The following FRMD4B variants were observed in gnomAD, a reference collection of about 807,000 sequenced individuals.
FRMD4B encodes FERM domain containing 4B.
FRMD4B carries 74 observed loss-of-function variants against 141.5 expected under a neutral mutation model. That is an observed-to-expected ratio of 0.52 (90% CI 0.43 to 0.63). FRMD4B has a LOEUF of 0.63. Ranked by LOEUF, FRMD4B falls within the 30% of genes least tolerant of loss-of-function variation. FRMD4B has a pLI of 0.00. For synonymous variants in FRMD4B, 506 were observed against 467.9 expected, an observed-to-expected ratio of 1.08 and a Z score of -1.05; for missense variants, 1,366 against 1,253.4, an observed-to-expected ratio of 1.09 and a Z score of -1.36.
chr3:69,505,820 C>T (rs1706585904), intron 1 of FRMD4B, among the ~76,000 whole-genome samples: 1 of 152,168 alleles, frequency 6.6e-6, no homozygotes, highest in Non-Finnish European at 1.5e-5. Flanking sequence ...TGGGTGAAAT[C>T]TACTCACACA....
intron 11 of FRMD4B, among the ~76,000 whole-genome samples, chr3:69,203,485 C>T (rs1255907138): frequency 6.6e-6 from 1 of 152,028 alleles, no homozygotes; most frequent in East Asian, 1.9e-4. Context: ...TCTTGAGTGC[C>T]GTGTATGTTT....
chr3:69,314,933 G>A (rs1268134630), intron 1 of FRMD4B, among the ~76,000 whole-genome samples: 1 of 152,130 alleles, frequency 6.6e-6, no homozygotes, highest in Non-Finnish European at 1.5e-5. Flanking sequence ...AGAGGCTGAG[G>A]TGGGAGGATC....
chr3:69,454,082 A>T (rs1705544030), intron 1 of FRMD4B, among the ~76,000 whole-genome samples: 1 of 152,184 alleles, frequency 6.6e-6, no homozygotes, highest in South Asian at 2.1e-4. Flanking sequence ...AGTAGATTGG[A>T]TGAGGAGGCA....
chr3:69,244,479 T>C (rs2106734737), intron 7 of FRMD4B, among the ~76,000 whole-genome samples: 1 of 152,310 alleles, frequency 6.6e-6, no homozygotes, highest in East Asian at 1.9e-4. Context: ...TGTTTGTTTA[T>C]CATGTTTTTT....
At chr3:69,461,392 A>G (rs923079793) in intron 1 of FRMD4B, among the ~76,000 whole-genome samples, 29 of 145,860 alleles carry the variant, frequency 2.0e-4, no homozygotes, top group African/African-American at 7.2e-4. Context: ...GACCCCCCCC[A>G]TCTCTAAAAT....
chr3:69,247,183 C>T (rs929959443), intron 7 of FRMD4B, among the ~76,000 whole-genome samples: 10 of 152,004 alleles, frequency 6.6e-5, no homozygotes, highest in African/African-American at 1.7e-4. Flanking sequence ...CCCTGGGCAA[C>T]GTTTACATAC....
At chr3:69,434,452 T>C (rs1705230113) in intron 1 of FRMD4B, among the ~76,000 whole-genome samples, 1 of 152,190 alleles carries the variant, frequency 6.6e-6, no homozygotes, top group African/African-American at 2.4e-5. Context: ...AGTTCTCAGA[T>C]TCCATTCCTG....
chr3:69,171,658 G>A lies in FRMD4B; in HGVS notation c.*203C>T. The A allele has an allele frequency of 7.4e-6, 4 of 543,590 alleles. No individual in the cohort carries two copies. Among genetic ancestry groups the A allele is most frequent in the Non-Finnish European group, 1.3e-5 (4 of 304,404 alleles). 33.7% of individuals were successfully genotyped at this position (543,590 alleles called of 1,614,324 possible). A position where few individuals can be genotyped will look rare whatever the true frequency, so the allele number is the denominator to read the frequency against. On this transcript the variant is annotated 3_prime_UTR_variant, in exon 23 of 23. Coordinates refer to ENST00000398540, the MANE Select transcript of FRMD4B (RefSeq NM_015123.3). ...CCCTACAGTTACGTTAGTGCCTAGA[G>A]TTTGAAAGGCCAAATCCTCCTTTAG... is the stretch of plus-strand genomic sequence containing the variant.
intron 2 of FRMD4B, among the ~76,000 whole-genome samples, chr3:69,408,063 G>C (rs912756852): frequency 5.3e-5 from 8 of 152,140 alleles, no homozygotes; most frequent in African/African-American, 1.4e-4. Flanking sequence ...AAGCAGCCGA[G>C]ACAATGCATA....
At chr3:69,206,140 T>A (rs540743522) in intron 11 of FRMD4B, among the ~76,000 whole-genome samples, 2 of 152,192 alleles carry the variant, frequency 1.3e-5, no homozygotes, top group East Asian at 3.9e-4. Flanking sequence ...TTGTCTAAAG[T>A]CAGGAGTTCG....
intron 1 of FRMD4B, among the ~76,000 whole-genome samples, chr3:69,502,474 G>C (rs1429119158): frequency 1.3e-5 from 2 of 152,120 alleles, no homozygotes; most frequent in Admixed American, 1.3e-4. Flanking sequence ...AAACTGGCTA[G>C]CCATATGTAG....
chr3:69,458,018 T>C (rs921913025), intron 1 of FRMD4B, among the ~76,000 whole-genome samples: 3 of 152,216 alleles, frequency 2.0e-5, no homozygotes, highest in African/African-American at 7.2e-5. Context: ...TCTCCCTCTC[T>C]TGTTCACTCT....
chr3:69,353,627 C>T (rs564553479), intron 1 of FRMD4B: 965 of 983,694 alleles, frequency 9.8e-4, no homozygotes, highest in Admixed American at 1.9e-3. Flanking sequence ...AGCACTTGTG[C>T]GGTGTGTGTG....
intron 11 of FRMD4B, among the ~76,000 whole-genome samples, chr3:69,207,321 AAAGAAAG>A (rs1490692671): frequency 7.0e-6 from 1 of 142,242 alleles, no homozygotes; most frequent in East Asian, 2.3e-4. Flanking sequence ...AAAAAAAAAA[AAAGAAAG>A]AAAGAAAGAA....
intron 1 of FRMD4B, among the ~76,000 whole-genome samples, chr3:69,509,444 G>A (rs1446887090): frequency 6.6e-6 from 1 of 152,172 alleles, no homozygotes; most frequent in Non-Finnish European, 1.5e-5. Context: ...ACAGAATCAA[G>A]TATGACAAGT....
intron 11 of FRMD4B, among the ~76,000 whole-genome samples, chr3:69,206,164 C>T (rs1431126060): frequency 6.6e-6 from 1 of 151,980 alleles, no homozygotes; most frequent in Non-Finnish European, 1.5e-5. Flanking sequence ...CCAGCCTGAC[C>T]AATGGTAAAA....
At chr3:69,409,650 A>G (rs756192413) in intron 2 of FRMD4B, among the ~76,000 whole-genome samples, 2 of 152,176 alleles carry the variant, frequency 1.3e-5, no homozygotes, top group African/African-American at 4.8e-5. Context: ...GCATAAACCA[A>G]TTGGCATGTG....
At chr3:69,342,629 C>G (rs566327306) in intron 1 of FRMD4B, among the ~76,000 whole-genome samples, 2 of 152,252 alleles carry the variant, frequency 1.3e-5, no homozygotes, top group East Asian at 3.9e-4. Flanking sequence ...CTAGCTCTAA[C>G]CCCCTCAATA....
chr3:69,198,075 G>T (rs2092926578), intron 12 of FRMD4B: 1 of 148,640 alleles, frequency 6.7e-6, no homozygotes, highest in Non-Finnish European at 1.5e-5. Context: ...AGTGAGCAAA[G>T]ATTGCGCCAC....
Sources: gnomAD v4.1 joint callset for allele counts (sites outside exome capture counted in the v4.1 genomes callset) on GRCh38, gnomAD v4.1.1 for gene constraint, MANE v1.5 for transcripts, NCBI Gene and HGNC (gene_info 2026-07-23, HGNC 2026-07-21) for gene names.